Variants in INPP5A observed in about 807,000 individuals in gnomAD.
INPP5A encodes the protein 43 kDa inositol polyphosphate 5-phophatase.
A neutral mutation model predicts 65.2 loss-of-function variants in INPP5A; 14 were observed. The observed-to-expected ratio is 0.21, with a 90% confidence interval of 0.14 to 0.34. INPP5A has a LOEUF of 0.34. Among genes scored for constraint, INPP5A ranks in the 10% least tolerant of loss-of-function variants. The pLI, the probability that INPP5A is intolerant of heterozygous loss-of-function variation, is 1.00. For synonymous variants in INPP5A, 207 were observed against 208.3 expected, an observed-to-expected ratio of 0.99 and a Z score of 0.05; for missense variants, 431 against 545.6, an observed-to-expected ratio of 0.79 and a Z score of 2.09.
chr10:132,591,658 TTTGTCTG>T (rs1298745303), intron 1 of INPP5A, among the ~76,000 whole-genome samples: 1 of 152,188 alleles, frequency 6.6e-6, no homozygotes, highest in Non-Finnish European at 1.5e-5. Flanking sequence ...TGGCTGTTGT[TTTGTCTG>T]TTAATTTCAG....
At chr10:132,713,126 G>A (rs1419562309) in intron 8 of INPP5A, among the ~76,000 whole-genome samples, 1 of 151,612 alleles carries the variant, frequency 6.6e-6, no homozygotes, top group Non-Finnish European at 1.5e-5. Flanking sequence ...GTGCATGCAG[G>A]TTGTGGGTGT....
rs1367349380 is a variant in INPP5A at position 132,596,901 on chromosome 10, CTGTGCATG to C, written c.76-11000_76-10993del. Among the ~76,000 whole-genome samples, 81 of 102,776 alleles carry C rather than the reference CTGTGCATG, an allele frequency of 7.9e-4. 1 individual carries two copies. Among genetic ancestry groups the C allele is most frequent in the East Asian group, 2.2e-3 (6 of 2,744 alleles). The allele number at this position is 102,776 out of a possible 152,430, so 67.4% of individuals were successfully genotyped here. On this transcript the variant is annotated intron_variant, in intron 1 of 15. Coordinates refer to ENST00000368594, the MANE Select transcript of INPP5A (RefSeq NM_005539.5). ...TGCATGCACGTGTGTTTGGAGGCTC[CTGTGCATG>C]TGTGCATGTGTGCGCGCATGTGCAC... is the stretch of plus-strand genomic sequence containing the variant.
chr10:132,771,408 G>T (rs975643180), intron 12 of INPP5A, among the ~76,000 whole-genome samples: 1 of 152,370 alleles, frequency 6.6e-6, no homozygotes, highest in South Asian at 2.1e-4. Flanking sequence ...CCACGCCGGC[G>T]CCGGCAGTTT....
chr10:132,726,975 C>A, intron 9 of INPP5A, 70 bp downstream of exon 9: 1 of 1,114,970 alleles, frequency 9.0e-7, no homozygotes, highest in Non-Finnish European at 1.3e-6. Context: ...GTGGAAGGAG[C>A]GTGGCCCCTT....
In INPP5A at chr10:132,616,440, T is replaced by C. The variant is rs115415965; in HGVS notation, c.117+8484T>C. Among the ~76,000 whole-genome samples, 1 of 151,686 alleles carries C rather than the reference T, an allele frequency of 6.6e-6. No individual in the cohort carries two copies. The highest frequency in any genetic ancestry group is 1.5e-5 in the Non-Finnish European group (1 of 67,912). On this transcript the variant is annotated intron_variant, in intron 2 of 15. Transcript: ENST00000368594. The surrounding 1 kb of genome is among the most constrained non-coding windows in gnomAD (Gnocchi z 4.9). Reference sequence around the variant, plus strand: ...GGGCGTGGTGTGGGATATGTGGTATTGGGAACATGGTGGTGACGCAGGATG... The same window carrying C: ...GGGCGTGGTGTGGGATATGTGGTATCGGGAACATGGTGGTGACGCAGGATG...
chr10:132,711,271 G>A (rs2786893), intron 8 of INPP5A, among the ~76,000 whole-genome samples: 14,904 of 152,212 alleles, frequency 0.098, 831 homozygotes, highest in African/African-American at 0.13. Context: ...GGAAGCAGGG[G>A]ACCCCCATTG....
At position 132,555,168 on chromosome 10, in the gene INPP5A, G is replaced by A. The variant is rs367920156; in HGVS notation, c.75+16997G>A. On this transcript the variant is annotated intron_variant, in intron 1 of 15. Coordinates refer to ENST00000368594, the MANE Select transcript of INPP5A (RefSeq NM_005539.5). The surrounding 1 kb of genome is among the most constrained non-coding windows in gnomAD (Gnocchi z 4.4). ...AGTGGGTGGCATAGATGGCATGGTG[G>A]GGTGGGGGGGTGTGGATGGCAAGCG... is the stretch of plus-strand genomic sequence containing the variant. Among the ~76,000 whole-genome samples the A allele has an allele frequency of 6.6e-6, 1 of 151,924 alleles. No homozygotes were observed. Among genetic ancestry groups the A allele is most frequent in the Non-Finnish European group, 1.5e-5 (1 of 67,954 alleles).
intron 6 of INPP5A, among the ~76,000 whole-genome samples, chr10:132,703,507 A>C (rs1226810905): frequency 7.2e-5 from 8 of 111,180 alleles, no homozygotes; most frequent in African/African-American, 1.6e-4. Context: ...GTCTTCACCC[A>C]CACACACACA....
chr10:132,709,847 C>T (rs907516410), intron 7 of INPP5A, among the ~76,000 whole-genome samples: 5 of 152,222 alleles, frequency 3.3e-5, no homozygotes, highest in East Asian at 1.9e-4. Context: ...CAGGCCTTGC[C>T]GAGTCCATGT....
At chr10:132,641,942 G>C (rs2072431478) in intron 2 of INPP5A, among the ~76,000 whole-genome samples, 1 of 152,238 alleles carries the variant, frequency 6.6e-6, no homozygotes, top group Non-Finnish European at 1.5e-5. Flanking sequence ...CATCACCCCT[G>C]TGCATGGTCA....
intron 12 of INPP5A, among the ~76,000 whole-genome samples, chr10:132,769,604 C>T (rs1244334795): frequency 1.3e-5 from 2 of 152,188 alleles, no homozygotes; most frequent in Non-Finnish European, 2.9e-5. Context: ...TGAGTCTTGC[C>T]CACTCTGGTC....
At chr10:132,655,986 A>AGGGCCTGGCG (rs2072652526) in intron 4 of INPP5A, among the ~76,000 whole-genome samples, 1 of 152,230 alleles carries the variant, frequency 6.6e-6, no homozygotes, top group African/African-American at 2.4e-5. Flanking sequence ...TGGGGCCAGG[A>AGGGCCTGGCG]GGGCCTGGCG....
intron 4 of INPP5A, among the ~76,000 whole-genome samples, chr10:132,665,078 TGTTGTGCATGAGG>T (rs1481860972): frequency 6.6e-6 from 1 of 152,152 alleles, no homozygotes; most frequent in Non-Finnish European, 1.5e-5. Flanking sequence ...GGCCAAGCCC[TGTTGTGCATGAGG>T]GCACCCCCAG....
intron 2 of INPP5A, among the ~76,000 whole-genome samples, chr10:132,636,112 A>G (rs1215717706): frequency 2.6e-5 from 4 of 152,136 alleles, no homozygotes; most frequent in Admixed American, 2.6e-4. Context: ...GTACGTTGAA[A>G]ATCCCAGTTG....
At chr10:132,722,854 A>G (rs570662163) in intron 8 of INPP5A, among the ~76,000 whole-genome samples, 144 of 152,354 alleles carry the variant, frequency 9.5e-4, no homozygotes, top group Non-Finnish European at 1.3e-3. Context: ...ATGTGGGCCT[A>G]CGTTTTAATC....
At chr10:132,761,096 C>T (rs868579772) in intron 11 of INPP5A, among the ~76,000 whole-genome samples, 1 of 152,222 alleles carries the variant, frequency 6.6e-6, no homozygotes, top group African/African-American at 2.4e-5. Flanking sequence ...CGCCAGGCTT[C>T]GTGCCACGTC....
At position 132,645,951 on chromosome 10, in the gene INPP5A, C is replaced by A; in HGVS notation, c.201C>A (p.His67Gln). Reference sequence around the variant, plus strand: ...AGAACTACGAGGCCTCCATGTCCCACGTGGACAAGTTCGTCAAGTAAGTCT... The same window carrying A: ...AGAACTACGAGGCCTCCATGTCCCAAGTGGACAAGTTCGTCAAGTAAGTCT... The part of the protein sequence containing the change: ...GGKNYEASMS[H>Q]VDKFVKELLS... The change falls in exon 3 of 16, where the codon CAC becomes CAA. Residue 67 changes from histidine to glutamine, a missense_variant. By Grantham distance (24) the His-to-Gln change is conservative. Coordinates refer to ENST00000368594, the MANE Select transcript of INPP5A (RefSeq NM_005539.5). 1 of 1,613,314 alleles carries A rather than the reference C, an allele frequency of 6.2e-7. No homozygotes were observed. Among genetic ancestry groups the A allele is most frequent in the East Asian group, 2.2e-5 (1 of 44,880 alleles).
At chr10:132,598,462 C>T (rs4511214) in intron 1 of INPP5A, among the ~76,000 whole-genome samples, 24,610 of 152,240 alleles carry the variant, frequency 0.16, 2,352 homozygotes, top group Admixed American at 0.26. Context: ...AATCTGATGA[C>T]TCCAGATATC....
chr10:132,754,690 A>G (rs1389509647), intron 11 of INPP5A, among the ~76,000 whole-genome samples: 1 of 152,236 alleles, frequency 6.6e-6, no homozygotes, highest in Non-Finnish European at 1.5e-5. Context: ...GCAGTCCTGA[A>G]ACACCACCAC....
Sources: allele counts gnomAD v4.1 joint callset (sites outside exome capture counted in the v4.1 genomes callset), GRCh38; gene constraint gnomAD v4.1.1; non-coding constraint Gnocchi (gnomAD v3.1); transcripts MANE v1.5; gene names NCBI Gene and HGNC (gene_info 2026-07-23, HGNC 2026-07-21).